DAG1: variants seen among roughly 807,000 people sequenced by gnomAD.
DAG1 encodes dystroglycan 1 (dystrophin-associated glycoprotein 1).
Under a neutral mutation model 46.1 loss-of-function variants are expected in DAG1, and 8 were observed. The ratio of observed to expected loss-of-function variants is 0.17; its 90% CI spans 0.10 to 0.31. The LOEUF is 0.31. Among genes scored for constraint, DAG1 ranks in the 10% least tolerant of loss-of-function variants. DAG1 has a pLI of 1.00. For synonymous variants in DAG1, 495 were observed against 481.8 expected (o/e 1.03, Z -0.36); for missense variants, 1,003 against 1,189.9 (o/e 0.84, Z 2.31).
Position 49,533,522 on chromosome 3 carries a change from G to T in DAG1, c.*323G>T. 1.8e-6 allele frequency: 1 copy of T among 548,996 alleles called. No homozygotes were observed. Among genetic ancestry groups the T allele is most frequent in the Non-Finnish European group, 3.4e-6 (1 of 292,196 alleles). 34.0% of individuals were successfully genotyped at this position (548,996 alleles called of 1,614,324 possible). On this transcript the variant is annotated 3_prime_UTR_variant, in exon 3 of 3. Transcript: ENST00000308775. ...GGAGGTGGAGGGAGCGAGGAACCATGAATGAACTCGCAGGCAGTGCCGGGC... is the reference window on the plus strand; with the variant it reads ...GGAGGTGGAGGGAGCGAGGAACCATTAATGAACTCGCAGGCAGTGCCGGGC...
At chr3:49,500,360 C>G (rs2050415638) in intron 1 of DAG1, among the ~76,000 whole-genome samples, 1 of 152,160 alleles carries the variant, frequency 6.6e-6, no homozygotes, top group Non-Finnish European at 1.5e-5. Context: ...CATATCACAA[C>G]TGGGAGGAAG....
chr3:49,510,837 G>C lies in DAG1; in HGVS notation c.285+18G>C. The C allele has an allele frequency of 6.2e-7, 1 of 1,613,754 alleles. No individual in the cohort carries two copies. Among genetic ancestry groups the C allele is most frequent in the Non-Finnish European group, 8.5e-7 (1 of 1,179,900 alleles). Reference sequence around the variant, plus strand: ...TCATCAAGGTGAGACTGGATATAAAGCATAAATGAGGAAGAGTTCTCATTT... The same window carrying C: ...TCATCAAGGTGAGACTGGATATAAACCATAAATGAGGAAGAGTTCTCATTT... On this transcript the variant is annotated intron_variant, in intron 2 of 2. Coordinates refer to ENST00000308775, the MANE Select transcript of DAG1 (RefSeq NM_004393.6).
chr3:49,470,155 A>G (rs1332648624), upstream of DAG1: 3 of 150,674 alleles, frequency 2.0e-5, no homozygotes, highest in African/African-American at 7.3e-5. Flanking sequence ...CGGCGCGCGG[A>G]CAGCCAGTCG....
chr3:49,532,100 C>A lies in DAG1; in HGVS notation c.1589C>A (p.Thr530Asn). The A allele has an allele frequency of 6.2e-7, 1 of 1,614,206 alleles. No homozygotes were observed. The highest frequency in any genetic ancestry group is 8.5e-7 in the Non-Finnish European group (1 of 1,180,034). Residue 530 changes from threonine (T) to asparagine (N), a missense_variant, in exon 3 of 3, where the codon ACC (threonine) becomes AAC (asparagine). Transcript: ENST00000308775. This position sits in a 1 kb window ranked among gnomAD's most constrained non-coding sequence, Gnocchi z 5.4. ...SDTFYDHEDTTTDKLKLTLKL... is the reference protein window; with the variant it reads ...SDTFYDHEDTNTDKLKLTLKL... ...ACTTTCTATGACCATGAGGACACCA[C>A]CACTGACAAGCTGAAGCTGACCCTG...
At position 49,533,596 on chromosome 3, in the gene DAG1, T is replaced by C. The variant is rs2107964396; in HGVS notation, c.*397T>C. 5.2e-6 allele frequency: 2 copies of C among 381,014 alleles called. No individual in the cohort carries two copies. The highest frequency in any genetic ancestry group is 4.3e-5 in the South Asian group (2 of 45,994). The allele number at this position is 381,014 out of a possible 1,614,324, so 23.6% of individuals were successfully genotyped here. On this transcript the variant is annotated 3_prime_UTR_variant, in exon 3 of 3. Transcript: ENST00000308775. ...GCCTTTAACACTAACTGTACTGTTT[T>C]TTCTATTCACGTGTGTCTAGCTGCA... is the stretch of plus-strand genomic sequence containing the variant.
intron 1 of DAG1, among the ~76,000 whole-genome samples, chr3:49,492,168 G>T (rs4855858): frequency 0.74 from 112,065 of 151,798 alleles, 41,806 homozygotes; most frequent in East Asian, 0.99. Flanking sequence ...CTTGTGATCT[G>T]CCTGCCTTGG....
At chr3:49,510,239 A>G (rs1454357532) in intron 1 of DAG1, 180 bp from the exon 2 acceptor site, 2 of 528,296 alleles carry the variant, frequency 3.8e-6, no homozygotes, top group East Asian at 2.9e-5. Flanking sequence ...TTAATGGATC[A>G]GCTACATTTC....
intron 1 of DAG1, among the ~76,000 whole-genome samples, chr3:49,504,024 A>G (rs576005186): frequency 5.9e-5 from 9 of 152,166 alleles, no homozygotes; most frequent in East Asian, 1.9e-4. Context: ...TTGCAAAACT[A>G]TATAGTACAA....
chr3:49,502,511 G>T (rs2050480118), intron 1 of DAG1, among the ~76,000 whole-genome samples: 1 of 152,134 alleles, frequency 6.6e-6, no homozygotes, highest in Non-Finnish European at 1.5e-5. Context: ...TGGTCCCATG[G>T]GCCTTGGAGT....
chr3:49,489,842 C>T (rs1575356247), intron 1 of DAG1, among the ~76,000 whole-genome samples: 1 of 151,522 alleles, frequency 6.6e-6, no homozygotes, highest in African/African-American at 2.4e-5. Context: ...ATCATGCTGT[C>T]TGGGGGATTA....
At chr3:49,491,275 G>A (rs2050175208) in intron 1 of DAG1, among the ~76,000 whole-genome samples, 1 of 151,248 alleles carries the variant, frequency 6.6e-6, no homozygotes, top group Non-Finnish European at 1.5e-5. Flanking sequence ...CTCCCGAAAT[G>A]CTGGGATTAC....
At chr3:49,521,464 C>T (rs978250074) in intron 2 of DAG1, among the ~76,000 whole-genome samples, 4 of 152,064 alleles carry the variant, frequency 2.6e-5, no homozygotes, top group Admixed American at 6.5e-5. Flanking sequence ...TGCGCCCGGC[C>T]GTCTTTGTTT....
intron 2 of DAG1, among the ~76,000 whole-genome samples, chr3:49,528,136 G>GTTT (rs926751430): frequency 2.0e-5 from 3 of 151,540 alleles, no homozygotes; most frequent in African/African-American, 4.8e-5. Context: ...GTGGTTTTTT[G>GTTT]TTTGTTTGTT....
At chr3:49,512,657 C>T (rs2050794095) in intron 2 of DAG1, among the ~76,000 whole-genome samples, 1 of 151,348 alleles carries the variant, frequency 6.6e-6, no homozygotes, top group African/African-American at 2.4e-5. Context: ...CTCGCAACAC[C>T]CAGCTAATTA....
At position 49,532,492 on chromosome 3, in the gene DAG1, A is replaced by G. The variant is rs765933260; in HGVS notation, c.1981A>G (p.Asn661Asp). ...GGGCTCCATCGTGGTGGAATGGACC[A>G]ACAACACACTGCCCTTGGAGCCCTG... Reference protein sequence around the residue: ...TRGSIVVEWTNNTLPLEPCPK... With the variant: ...TRGSIVVEWTDNTLPLEPCPK... The change falls in exon 3 of 3, where the codon AAC becomes GAC. Residue 661 changes from asparagine (N) to aspartate (D), a missense_variant. Asn to Asp is a conservative substitution (Grantham distance 23). This residue lies in a region of DAG1 where 755 missense variants were observed against 854.1 expected (regional missense o/e 0.88). Coordinates refer to ENST00000308775, the MANE Select transcript of DAG1 (RefSeq NM_004393.6). This position sits in a 1 kb window ranked among gnomAD's most constrained non-coding sequence, Gnocchi z 5.4. The G allele has an allele frequency of 5.0e-6, 8 of 1,614,204 alleles. No individual in the cohort carries two copies. Among genetic ancestry groups the G allele is most frequent in the Non-Finnish European group, 5.9e-6 (7 of 1,180,030 alleles).
intron 2 of DAG1, chr3:49,511,039 T>C: frequency 2.3e-5 from 21 of 904,986 alleles, no homozygotes; most frequent in Non-Finnish European, 2.8e-5. Flanking sequence ...GGCATCACCA[T>C]GTAATAGCCT....
intron 2 of DAG1, among the ~76,000 whole-genome samples, chr3:49,524,367 T>C (rs545112649): frequency 2.0e-5 from 3 of 152,328 alleles, no homozygotes; most frequent in South Asian, 4.1e-4. Flanking sequence ...TTTTGCTTCC[T>C]GTAGCCCTTC....
chr3:49,501,129 C>T (rs913211699), intron 1 of DAG1, among the ~76,000 whole-genome samples: 9 of 152,196 alleles, frequency 5.9e-5, no homozygotes, highest in Admixed American at 5.2e-4. Context: ...CGCCTGCCTG[C>T]TAAATGCAGA....
At chr3:49,528,705 G>A (rs1436868090) in intron 2 of DAG1, among the ~76,000 whole-genome samples, 1 of 152,202 alleles carries the variant, frequency 6.6e-6, no homozygotes, top group Admixed American at 6.5e-5. Flanking sequence ...TTGATGGTGA[G>A]TGACAGGGTG....
Sources: gnomAD v4.1 joint callset for allele counts (sites outside exome capture counted in the v4.1 genomes callset) on GRCh38, gnomAD v4.1.1 for gene constraint, gnomAD v4.1.1 regional missense constraint, Gnocchi (gnomAD v3.1) non-coding constraint, MANE v1.5 for transcripts, NCBI Gene and HGNC (gene_info 2026-07-23, HGNC 2026-07-21) for gene names.